Variants in ARHGAP10 observed in about 807,000 individuals in gnomAD.
ARHGAP10 encodes the protein rho GTPase-activating protein 10.
In ARHGAP10, 87 loss-of-function variants were observed where a neutral mutation model predicts 108.6. That is an observed-to-expected ratio of 0.80 (90% confidence interval 0.67 to 0.96). The LOEUF is 0.96. ARHGAP10 is among the 40% of genes least tolerant of loss of function. The probability of loss-of-function intolerance (pLI) is 0.00; values close to 1 mark genes in which losing one functional copy is unlikely to be tolerated. For missense variants in ARHGAP10, 939 were observed against 954.5 expected, an observed-to-expected ratio of 0.98 and a Z score of 0.21; for synonymous variants, 347 against 341.1, an observed-to-expected ratio of 1.02 and a Z score of -0.19.
chr4:147,855,556 T>C (rs887644654), intron 4 of ARHGAP10, among the ~76,000 whole-genome samples: 1 of 152,238 alleles, frequency 6.6e-6, no homozygotes, highest in African/African-American at 2.4e-5. Context: ...CTGCTTTTTT[T>C]TGGTTCCATT....
chr4:147,736,363 G>A (rs938627104), intron 1 of ARHGAP10, among the ~76,000 whole-genome samples: 1 of 152,076 alleles, frequency 6.6e-6, no homozygotes, highest in African/African-American at 2.4e-5. Context: ...TATGTTTACT[G>A]TTTCAGAGAA....
At chr4:147,791,234 C>T (rs918023184) in intron 1 of ARHGAP10, among the ~76,000 whole-genome samples, 1 of 151,534 alleles carries the variant, frequency 6.6e-6, no homozygotes, top group African/African-American at 2.4e-5. Flanking sequence ...GCCTCGGCCT[C>T]CTGAGTAGCT....
chr4:147,748,342 G>A (rs755097474), intron 1 of ARHGAP10, among the ~76,000 whole-genome samples: 15 of 152,068 alleles, frequency 9.9e-5, no homozygotes, highest in Non-Finnish European at 1.9e-4. Context: ...GTGATTGCTC[G>A]GACAGAATGC....
intron 18 of ARHGAP10, among the ~76,000 whole-genome samples, chr4:147,979,741 A>G (rs975263374): frequency 6.6e-6 from 1 of 152,168 alleles, no homozygotes; most frequent in African/African-American, 2.4e-5. Context: ...TCTCACGGAC[A>G]TCATTCACTT....
At chr4:147,882,185 A>G (rs953884479) in intron 10 of ARHGAP10, among the ~76,000 whole-genome samples, 1 of 152,030 alleles carries the variant, frequency 6.6e-6, no homozygotes, top group East Asian at 1.9e-4. Context: ...CTTGGAGGCC[A>G]GGTGCAGTGG....
At chr4:147,798,724 A>ACTCTCTCTCT (rs1178256407) in intron 1 of ARHGAP10, among the ~76,000 whole-genome samples, 1 of 86,014 alleles carries the variant, frequency 1.2e-5, no homozygotes, top group African/African-American at 6.9e-5. Context: ...AGTTTGAGAC[A>ACTCTCTCTCT]CTCTCTCTCT....
At chr4:147,757,788 G>A (rs759529656) in intron 1 of ARHGAP10, among the ~76,000 whole-genome samples, 2 of 152,254 alleles carry the variant, frequency 1.3e-5, no homozygotes, top group East Asian at 1.9e-4. Context: ...TCCTTGTTTC[G>A]GAAGAGGCTG....
chr4:147,813,798 C>T (rs889214272), intron 1 of ARHGAP10, among the ~76,000 whole-genome samples: 1 of 152,152 alleles, frequency 6.6e-6, no homozygotes, highest in Non-Finnish European at 1.5e-5. Context: ...TAAGGCTTTG[C>T]ATTCAAAAGG....
intron 5 of ARHGAP10, 181 bp from the exon 6 acceptor site, chr4:147,864,665 A>C: frequency 7.5e-6 from 4 of 534,094 alleles, no homozygotes; most frequent in Non-Finnish European, 1.3e-5. Context: ...CTGCTGTTGC[A>C]GCAGGAAAGT....
At chr4:147,928,729 A>G (rs1398275220) in intron 13 of ARHGAP10, among the ~76,000 whole-genome samples, 2 of 152,166 alleles carry the variant, frequency 1.3e-5, no homozygotes, top group Non-Finnish European at 2.9e-5. Context: ...CATGTGCTTT[A>G]TTTTATGAAA....
At position 147,765,559 on chromosome 4, in the gene ARHGAP10, G is replaced by A. The variant is rs557323078; in HGVS notation, c.154+33104G>A. On this transcript the variant is annotated intron_variant, in intron 1 of 22. Coordinates refer to ENST00000336498, the MANE Select transcript of ARHGAP10 (RefSeq NM_024605.4). The stretch of plus-strand genomic sequence containing the variant: ...TCATGCCTGTAATCACAGCACTTTG[G>A]GAGGCCAAGGTGGGCAGATCACTTG... Among the ~76,000 whole-genome samples, 19 of 152,304 alleles carry A rather than the reference G, an allele frequency of 1.2e-4. No individual in the cohort carries two copies. In the East Asian group the frequency reaches 3.7e-3, roughly 29 times the overall value.
rs1450588200 is a variant in ARHGAP10 at position 147,837,109 on chromosome 4, T to G, written c.313-10042T>G. On this transcript the variant is annotated intron_variant, in intron 3 of 22. Transcript: ENST00000336498. Reference sequence around the variant, plus strand: ...ATGTCAGGTATTAAAGTGGGGGAACTTTATTGGCCATCTTAATCTTTCTAT... The same window carrying G: ...ATGTCAGGTATTAAAGTGGGGGAACGTTATTGGCCATCTTAATCTTTCTAT... 3.3e-5 allele frequency among the ~76,000 whole-genome samples: 5 copies of G among 152,126 alleles called. No homozygotes were observed. The East Asian group carries it at 7.7e-4, about 23-fold the overall frequency.
intron 5 of ARHGAP10, chr4:147,861,381 T>A (rs1218973561): frequency 6.6e-6 from 1 of 151,208 alleles, no homozygotes; most frequent in Non-Finnish European, 1.5e-5. Context: ...AGCCCTGGCT[T>A]AGGGAGCCCC....
chr4:147,934,929 CA>C (rs1737866025), intron 13 of ARHGAP10, among the ~76,000 whole-genome samples: 1 of 152,058 alleles, frequency 6.6e-6, no homozygotes, highest in Non-Finnish European at 1.5e-5. Flanking sequence ...GGGCTGGTGT[CA>C]AAAAGGGGAT....
intron 18 of ARHGAP10, among the ~76,000 whole-genome samples, chr4:148,015,276 G>A (rs912581303): frequency 6.6e-6 from 1 of 152,222 alleles, no homozygotes; most frequent in Non-Finnish European, 1.5e-5. Context: ...GAAAGAAGGG[G>A]TCAAAGCCGG....
intron 18 of ARHGAP10, among the ~76,000 whole-genome samples, chr4:148,009,137 C>CT (rs918485475): frequency 0.014 from 1,982 of 144,588 alleles, 48 homozygotes; most frequent in African/African-American, 0.041. Flanking sequence ...TCTTTTTTCT[C>CT]TTTTTTTTTT....
intron 10 of ARHGAP10, among the ~76,000 whole-genome samples, chr4:147,885,391 A>G (rs537267375): frequency 2.0e-5 from 3 of 152,312 alleles, no homozygotes; most frequent in Admixed American, 2.0e-4. Context: ...TATAAAAACT[A>G]TCAGATCTTG....
At chr4:148,053,609 C>T (rs1252700620) in intron 20 of ARHGAP10, among the ~76,000 whole-genome samples, 1 of 152,164 alleles carries the variant, frequency 6.6e-6, no homozygotes, top group African/African-American at 2.4e-5. Context: ...TTCAGAAACG[C>T]TCTGGAAGTG....
At chr4:148,026,397 T>C (rs1436458595) in intron 19 of ARHGAP10, among the ~76,000 whole-genome samples, 5 of 152,208 alleles carry the variant, frequency 3.3e-5, no homozygotes, top group African/African-American at 1.2e-4. Flanking sequence ...TTTTCTGTTA[T>C]GTTCATTCAA....
Sources: gnomAD v4.1 joint callset for allele counts (sites outside exome capture counted in the v4.1 genomes callset) on GRCh38, gnomAD v4.1.1 for gene constraint, MANE v1.5 for transcripts, NCBI Gene and HGNC (gene_info 2026-07-23, HGNC 2026-07-21) for gene names.